Variants in ME1 observed in about 807,000 individuals in gnomAD.
ME1 encodes malic enzyme 1, also known as NADP-dependent malic enzyme.
ME1 carries 74 observed loss-of-function variants against 66.4 expected under a neutral mutation model. The ratio of observed to expected loss-of-function variants is 1.11; its 90% confidence interval spans 0.92 to 1.35. The LOEUF is 1.35. Ranked by LOEUF, ME1 falls within the 40% of genes most tolerant of loss-of-function variation. ME1 has a pLI of 0.00. For missense variants in ME1, 750 were observed against 694.1 expected (o/e 1.08, Z -0.90); for synonymous variants, 251 against 235.6 (o/e 1.07, Z -0.60).
At chr6:83,333,491 G>C (rs1768456229) in intron 5 of ME1, among the ~76,000 whole-genome samples, 1 of 152,076 alleles carries the variant, frequency 6.6e-6, no homozygotes, top group South Asian at 2.1e-4. Context: ...AGAACATTAT[G>C]AGTAGCAACT....
intron 3 of ME1, among the ~76,000 whole-genome samples, chr6:83,394,447 T>TA: frequency 6.6e-6 from 1 of 152,284 alleles, no homozygotes; most frequent in South Asian, 2.1e-4. Flanking sequence ...TATGTATCAA[T>TA]AAAAAAATTT....
chr6:83,221,158 C>CAAAAA (rs3216577), intron 12 of ME1, among the ~76,000 whole-genome samples: 5 of 143,330 alleles, frequency 3.5e-5, no homozygotes, highest in East Asian at 4.1e-4. Context: ...GACTCCGTCT[C>CAAAAA]AAAAAAAAAA....
intron 6 of ME1, among the ~76,000 whole-genome samples, chr6:83,312,683 G>A (rs893870288): frequency 1.3e-5 from 2 of 152,046 alleles, no homozygotes; most frequent in Non-Finnish European, 2.9e-5. Context: ...GCTATTGGTG[G>A]GTCCATGTTG....
At position 83,211,681 on chromosome 6, in the gene ME1, A is replaced by G. The variant is rs1275804866; in HGVS notation, c.*243T>C. 6.8e-6 allele frequency: 2 copies of G among 295,930 alleles called. No homozygotes were observed. The highest frequency in any genetic ancestry group is 1.2e-4 in the East Asian group (2 of 17,362). The allele number at this position is 295,930 out of a possible 1,614,324, so 18.3% of individuals were successfully genotyped here. A position where few individuals can be genotyped will look rare whatever the true frequency, so the allele number is the denominator to read the frequency against. ...CTCCGTAGTACGTACAACAGCTTTT[A>G]AAGAGAACGTAGGCAGAATAATTCA... On this transcript the variant is annotated 3_prime_UTR_variant, in exon 14 of 14. Transcript: ENST00000369705.
chr6:83,392,589 C>T lies in ME1; in HGVS notation c.362+5778G>A, dbSNP rs1263684477. 2.3e-5 allele frequency: 13 copies of T among 566,146 alleles called. No homozygotes were observed. The East Asian group carries it at 4.1e-4, about 18-fold the overall frequency. The allele number at this position is 566,146 out of a possible 1,614,324, so 35.1% of individuals were successfully genotyped here. A position where few individuals can be genotyped will look rare whatever the true frequency, so the allele number is the denominator to read the frequency against. On this transcript the variant is annotated intron_variant, in intron 3 of 13. Coordinates refer to ENST00000369705, the MANE Select transcript of ME1 (RefSeq NM_002395.6). ...ATTCCGCCCATGGCAAATTCCACGGCACCGTCAAGGCTGAGAACGGGAAGC... is the reference window on the plus strand; with the variant it reads ...ATTCCGCCCATGGCAAATTCCACGGTACCGTCAAGGCTGAGAACGGGAAGC...
Position 83,325,931 on chromosome 6 carries a change from C to CA in ME1, c.601-10519dup, listed in dbSNP as rs200447931. 4.1e-5 allele frequency among the ~76,000 whole-genome samples: 5 copies of CA among 122,710 alleles called. No homozygotes were observed. The South Asian group carries it at 1.3e-3, about 32-fold the overall frequency. The allele number at this position is 122,710 out of a possible 152,430, so 80.5% of individuals were successfully genotyped here. A position where few individuals can be genotyped will look rare whatever the true frequency, so the allele number is the denominator to read the frequency against. ...CAGACAATCCTAAGCAAAAAAAACA[C>CA]AAAAAAACGAAGCAAACAAAAAAAA... On this transcript the variant is annotated intron_variant, in intron 5 of 13. Transcript: ENST00000369705.
chr6:83,389,268 T>A (rs550843220), intron 3 of ME1, among the ~76,000 whole-genome samples: 1 of 152,222 alleles, frequency 6.6e-6, no homozygotes, highest in Admixed American at 6.5e-5. Flanking sequence ...ATGAATACTT[T>A]ATATTTTTTC....
intron 6 of ME1, among the ~76,000 whole-genome samples, chr6:83,294,820 G>C (rs1767567698): frequency 6.6e-6 from 1 of 152,010 alleles, no homozygotes; most frequent in South Asian, 2.1e-4. Flanking sequence ...CAATTGCACT[G>C]ATAGATTGCA....
chr6:83,372,360 A>T (rs980618935), intron 3 of ME1, among the ~76,000 whole-genome samples: 1 of 152,138 alleles, frequency 6.6e-6, no homozygotes, highest in Non-Finnish European at 1.5e-5. Flanking sequence ...GGTTTGAGAG[A>T]CTTTCCTAGG....
intron 6 of ME1, among the ~76,000 whole-genome samples, chr6:83,256,484 C>T (rs1241682290): frequency 2.0e-5 from 3 of 152,048 alleles, no homozygotes; most frequent in East Asian, 1.9e-4. Flanking sequence ...ATCAAAACCA[C>T]AGTGAGATAC....
intron 13 of ME1, among the ~76,000 whole-genome samples, chr6:83,215,221 T>A (rs1298979182): frequency 6.6e-6 from 1 of 152,218 alleles, no homozygotes; most frequent in Non-Finnish European, 1.5e-5. Context: ...TTAGATAACT[T>A]GCTAATAGCT....
intron 1 of ME1, among the ~76,000 whole-genome samples, chr6:83,425,880 T>C (rs1583430273): frequency 6.6e-6 from 1 of 150,916 alleles, no homozygotes; most frequent in South Asian, 2.1e-4. Flanking sequence ...GACTTCCTAC[T>C]ATGGTTTCAA....
intron 5 of ME1, among the ~76,000 whole-genome samples, chr6:83,330,339 A>G (rs1768379596): frequency 1.3e-5 from 2 of 152,186 alleles, no homozygotes; most frequent in South Asian, 4.1e-4. Context: ...GCCTCATGTC[A>G]TCAATAAGAA....
At chr6:83,393,271 C>A in intron 3 of ME1, 1 of 1,177,226 alleles carries the variant, frequency 8.5e-7, no homozygotes, top group Non-Finnish European at 1.3e-6. Flanking sequence ...AACAGACACC[C>A]ACTCTTCCAC....
intron 6 of ME1, among the ~76,000 whole-genome samples, chr6:83,258,028 G>A (rs537068978): frequency 1.8e-4 from 28 of 152,082 alleles, no homozygotes; most frequent in African/African-American, 6.0e-4. Flanking sequence ...TTGGTTCTGC[G>A]GTTTTGCGCT....
chr6:83,229,073 T>C (rs1790251874), intron 9 of ME1, 142 bp from the exon 10 acceptor site: 2 of 637,410 alleles, frequency 3.1e-6, no homozygotes, highest in Non-Finnish European at 5.5e-6. Flanking sequence ...TCTTCTTCAA[T>C]TGTCAGAATG....
At chr6:83,230,529 G>C (rs527602962) in intron 9 of ME1, among the ~76,000 whole-genome samples, 8 of 152,202 alleles carry the variant, frequency 5.3e-5, no homozygotes, top group African/African-American at 1.7e-4. Context: ...ACTGTACCTG[G>C]TTTATAGTAA....
intron 1 of ME1, among the ~76,000 whole-genome samples, chr6:83,418,119 T>C (rs1770196351): frequency 6.6e-6 from 1 of 152,236 alleles, no homozygotes; most frequent in Admixed American, 6.5e-5. Context: ...TTTGCAGAAA[T>C]GTTTTCTCTC....
In ME1 at chr6:83,379,782, C is replaced by T. The variant is rs545351297; in HGVS notation, c.362+18585G>A. 3.9e-5 allele frequency among the ~76,000 whole-genome samples: 6 copies of T among 152,004 alleles called. 1 individual carries two copies. The highest frequency in any genetic ancestry group is 3.4e-3 in the Middle Eastern group (1 of 292). Reference sequence around the variant, plus strand: ...TCACGTTTCAAACTAAGTTTCAATACGTAGAAACTTCTGCTTTATAAGAAA... The same window carrying T: ...TCACGTTTCAAACTAAGTTTCAATATGTAGAAACTTCTGCTTTATAAGAAA... On this transcript the variant is annotated intron_variant, in intron 3 of 13. Transcript: ENST00000369705.
Sources: gnomAD v4.1 joint callset for allele counts (sites outside exome capture counted in the v4.1 genomes callset) on GRCh38, gnomAD v4.1.1 for gene constraint, MANE v1.5 for transcripts, NCBI Gene and HGNC (gene_info 2026-07-23, HGNC 2026-07-21) for gene names.